The following CACNA1A variants were observed in gnomAD, a reference collection of about 807,000 sequenced individuals.
The protein encoded by CACNA1A is calcium voltage-gated channel subunit alpha1 A.
CACNA1A carries 57 observed loss-of-function variants against 262.4 expected under a neutral mutation model. That is an observed-to-expected ratio of 0.22 (90% CI 0.18 to 0.27). CACNA1A has a LOEUF of 0.27. Among genes scored for constraint, CACNA1A ranks in the 10% least tolerant of loss-of-function variants. The probability of loss-of-function intolerance (pLI) is 1.00; values close to 1 mark genes in which losing one functional copy is unlikely to be tolerated. For synonymous variants in CACNA1A, 1,431 were observed against 1,419.3 expected, an observed-to-expected ratio of 1.01 and a Z score of -0.18; for missense variants, 2,526 against 3,562.8, an observed-to-expected ratio of 0.71 and a Z score of 7.41.
chr19:13,321,896 A>AT (rs1423210022), intron 10 of CACNA1A, among the ~76,000 whole-genome samples: 1 of 152,098 alleles, frequency 6.6e-6, no homozygotes. Context: ...ACAAAAAAAA[A>AT]TTTACAAAAA....
chr19:13,383,872 G>A (rs978027225), intron 3 of CACNA1A, among the ~76,000 whole-genome samples: 1 of 152,164 alleles, frequency 6.6e-6, no homozygotes, highest in East Asian at 1.9e-4. Context: ...CTGGCGTGCA[G>A]TGCACAGTCA....
At chr19:13,471,381 C>A (rs1026945336) in intron 1 of CACNA1A, among the ~76,000 whole-genome samples, 1 of 152,170 alleles carries the variant, frequency 6.6e-6, no homozygotes, top group Non-Finnish European at 1.5e-5. Context: ...AATTGTACCA[C>A]CAGCTGCCTA....
chr19:13,212,259 C>T lies in CACNA1A; in HGVS notation c.6190-43G>A. 1 of 1,586,456 alleles carries T rather than the reference C, an allele frequency of 6.3e-7. No individual in the cohort carries two copies. Among genetic ancestry groups the T allele is most frequent in the East Asian group, 2.2e-5 (1 of 44,712 alleles). ...AAGCCAGATGAGCTCTGGGGCCTGA[C>T]CTCCAGATCCCTGGTGTCTGCAGAG... On this transcript the variant is annotated intron_variant, in intron 42 of 46. Transcript: ENST00000360228. This position sits in a 1 kb window ranked among gnomAD's most constrained non-coding sequence, Gnocchi z 5.6.
intron 6 of CACNA1A, among the ~76,000 whole-genome samples, chr19:13,340,842 C>A (rs565167795): frequency 5.9e-5 from 9 of 152,142 alleles, no homozygotes; most frequent in Non-Finnish European, 1.3e-4. Context: ...AGGGTCTTTG[C>A]AGATGGAATC....
At chr19:13,433,460 CAA>C (rs533297364) in intron 3 of CACNA1A, among the ~76,000 whole-genome samples, 8 of 76,230 alleles carry the variant, frequency 1.0e-4, no homozygotes, top group African/African-American at 2.3e-4. Flanking sequence ...GACGCTGTCT[CAA>C]AAAAAAAAAA....
chr19:13,210,558 G>C, intron 44 of CACNA1A, 59 bp downstream of exon 44: 1 of 1,458,674 alleles, frequency 6.9e-7, no homozygotes, highest in Non-Finnish European at 9.4e-7. Flanking sequence ...CCTGGAGGGG[G>C]GGTGGGGAGG....
At chr19:13,272,339 C>G (rs2057041283) in intron 24 of CACNA1A, 1 of 152,356 alleles carries the variant, frequency 6.6e-6, no homozygotes, top group Non-Finnish European at 1.5e-5. Flanking sequence ...ACCTCTTGAG[C>G]CCTAGGAATC....
At chr19:13,401,325 G>A (rs969386257) in intron 3 of CACNA1A, among the ~76,000 whole-genome samples, 1 of 152,160 alleles carries the variant, frequency 6.6e-6, no homozygotes, top group Non-Finnish European at 1.5e-5. Context: ...GATATTTAAC[G>A]GCTCTGGGTT....
chr19:13,461,850 T>C (rs1020575929), intron 1 of CACNA1A, among the ~76,000 whole-genome samples: 2 of 152,058 alleles, frequency 1.3e-5, no homozygotes, highest in African/African-American at 2.4e-5. Flanking sequence ...GAAGCATCCC[T>C]GATGGGAGGA....
chr19:13,227,587 G>T, intron 36 of CACNA1A, 60 bp from the exon 37 acceptor site: 1 of 876,688 alleles, frequency 1.1e-6, no homozygotes, highest in Non-Finnish European at 1.7e-6. Flanking sequence ...ACGGGAATGG[G>T]AACAGAGAAC....
intron 10 of CACNA1A, among the ~76,000 whole-genome samples, chr19:13,319,471 T>C (rs976909834): frequency 3.9e-5 from 6 of 152,142 alleles, no homozygotes; most frequent in Non-Finnish European, 8.8e-5. Flanking sequence ...CTCCATTCAT[T>C]CCTCCATTTA....
intron 9 of CACNA1A, 142 bp downstream of exon 9, chr19:13,332,727 G>C (rs2058487814): frequency 2.0e-6 from 1 of 509,318 alleles, no homozygotes. Flanking sequence ...AACTCTGCAT[G>C]GAAGTCCTAA....
At chr19:13,341,968 G>C (rs2058682969) in intron 6 of CACNA1A, among the ~76,000 whole-genome samples, 1 of 152,172 alleles carries the variant, frequency 6.6e-6, no homozygotes, top group Non-Finnish European at 1.5e-5. Flanking sequence ...GACTGATTGA[G>C]AGGTGTGTCC....
chr19:13,312,049 G>A (rs539984305), intron 12 of CACNA1A, among the ~76,000 whole-genome samples: 1 of 152,182 alleles, frequency 6.6e-6, no homozygotes, highest in East Asian at 1.9e-4. Flanking sequence ...TGAATTCCTA[G>A]CAATGGAATG....
At chr19:13,234,408 A>G (rs973531363) in intron 34 of CACNA1A, among the ~76,000 whole-genome samples, 3 of 151,178 alleles carry the variant, frequency 2.0e-5, no homozygotes, top group African/African-American at 7.3e-5. Flanking sequence ...GAACGAGTGA[A>G]GGAACTTTTG....
chr19:13,275,523 T>G, intron 24 of CACNA1A: 1 of 348,888 alleles, frequency 2.9e-6, no homozygotes. Context: ...TGGGCGGCGC[T>G]TGTGGAGTAG....
Position 13,359,708 on chromosome 19 carries a change from T to C in CACNA1A, c.876A>G (p.Glu292=), listed in dbSNP as rs16006. Reference sequence around the variant, plus strand: ...ACTGAGTGATCCCGTTGTTGGGCCCTTCCCAGTAGGGCTGACATTTGGTCC... The same window carrying C: ...ACTGAGTGATCCCGTTGTTGGGCCCCTCCCAGTAGGGCTGACATTTGGTCC... ...PNGTKCQPYW[E]GPNNGITQFD... Residue 292 remains glutamate (E), a synonymous_variant, in exon 6 of 47, where the codon GAA becomes GAG. Coordinates refer to ENST00000360228, the MANE Select transcript of CACNA1A (RefSeq NM_001127222.2). The C allele has an allele frequency of 0.046, 72,498 of 1,571,678 alleles. 3,172 individuals carry two copies. The highest frequency in any genetic ancestry group is 0.19 in the African/African-American group (14,014 of 74,300).
rs2054709322 is a variant in CACNA1A at position 13,209,226 on chromosome 19, T to C, written c.6526+86A>G. 3.6e-6 allele frequency: 5 copies of C among 1,402,034 alleles called. No homozygotes were observed. The East Asian group carries it at 7.5e-5, about 21-fold the overall frequency. The allele number at this position is 1,402,034 out of a possible 1,614,324, so 86.8% of individuals were successfully genotyped here. ...TCCATGGAGGCCTCTCCCTTTCTTC[T>C]TCCTTAGTGTCTCCTCCGCCCTGCC... On this transcript the variant is annotated intron_variant, in intron 45 of 46. Transcript: ENST00000360228.
At chr19:13,260,964 A>T (rs1361577167) in intron 26 of CACNA1A, 1 of 152,550 alleles carries the variant, frequency 6.6e-6, no homozygotes, top group Non-Finnish European at 1.5e-5. Flanking sequence ...TACCTAACTT[A>T]TTTGGTAATG....
Sources: allele counts gnomAD v4.1 joint callset (sites outside exome capture counted in the v4.1 genomes callset), GRCh38; gene constraint gnomAD v4.1.1; non-coding constraint Gnocchi (gnomAD v3.1); transcripts MANE v1.5; gene names NCBI Gene and HGNC (gene_info 2026-07-23, HGNC 2026-07-21).